Variants in CCZ1 observed in about 807,000 individuals in gnomAD.
CCZ1 encodes CCZ1 vacuolar protein trafficking and biogenesis associated, also known as vacuolar fusion protein CCZ1 homolog.
A neutral mutation model predicts 57.8 loss-of-function variants in CCZ1; 19 were observed. The ratio of observed to expected loss-of-function variants is 0.33; its 90% CI spans 0.23 to 0.48. CCZ1 has a LOEUF of 0.48. Ranked by LOEUF, CCZ1 falls within the 20% of genes least tolerant of loss-of-function variation. The pLI is 0.99. For missense variants in CCZ1, 200 were observed against 492.0 expected, an observed-to-expected ratio of 0.41 and a Z score of 5.61; for synonymous variants, 81 against 167.0, an observed-to-expected ratio of 0.49 and a Z score of 3.97.
chr7:5,912,077 C>T (rs1256437711), intron 9 of CCZ1, among the ~76,000 whole-genome samples, 155 bp downstream of exon 9: 2 of 151,348 alleles, frequency 1.3e-5, no homozygotes, highest in Non-Finnish European at 2.9e-5. Context: ...GCCTCAGCCT[C>T]CCAAGTAGCT....
At chr7:5,910,573 A>G (rs1476517508) in intron 8 of CCZ1, among the ~76,000 whole-genome samples, 12 of 143,346 alleles carry the variant, frequency 8.4e-5, no homozygotes, top group Non-Finnish European at 1.5e-4. Flanking sequence ...TGATCTGCCC[A>G]CCTTGGCCTC....
At chr7:5,906,617 C>G (rs1050377887) in intron 7 of CCZ1, among the ~76,000 whole-genome samples, 4 of 148,994 alleles carry the variant, frequency 2.7e-5, no homozygotes, top group African/African-American at 5.0e-5. Context: ...GCCACTGCAC[C>G]TGGCCTAGCC....
At chr7:5,907,874 A>G (rs1419707179) in intron 7 of CCZ1, among the ~76,000 whole-genome samples, 1 of 122,888 alleles carries the variant, frequency 8.1e-6, no homozygotes, top group Non-Finnish European at 1.6e-5. Context: ...AGGCAGGAGG[A>G]TCACTTGAGA....
intron 9 of CCZ1, 79 bp from the exon 10 acceptor site, chr7:5,912,764 G>A (rs1779066395): frequency 2.4e-5 from 27 of 1,126,264 alleles, no homozygotes; most frequent in Non-Finnish European, 3.6e-5. Flanking sequence ...TGTGTATGAA[G>A]TGGGAGTGTG....
chr7:5,909,106 C>CAT (rs1562541022), intron 7 of CCZ1, among the ~76,000 whole-genome samples: 1 of 140,506 alleles, frequency 7.1e-6, no homozygotes, highest in Non-Finnish European at 1.5e-5. Flanking sequence ...TCCCTTGTGA[C>CAT]TTTTTTTTTT....
chr7:5,905,734 A>G (rs1661580588), intron 7 of CCZ1, among the ~76,000 whole-genome samples: 1 of 109,422 alleles, frequency 9.1e-6, no homozygotes, highest in Non-Finnish European at 1.7e-5. Flanking sequence ...GTGAGCCGAG[A>G]TGGCACCACT....
chr7:5,912,713 A>G (rs1427830896), intron 9 of CCZ1, 130 bp from the exon 10 acceptor site: 7 of 1,063,912 alleles, frequency 6.6e-6, no homozygotes, highest in African/African-American at 3.1e-5. Context: ...ATATTCTGAT[A>G]TGGTGTTTGC....
chr7:5,905,903 T>C (rs552368780), intron 7 of CCZ1, among the ~76,000 whole-genome samples: 900 of 4,518 alleles, frequency 0.2, 33 homozygotes, highest in Non-Finnish European at 0.28. Flanking sequence ...TTTTTATACC[T>C]TTTTTTTTTT....
chr7:5,910,987 C>G (rs1345091570), intron 8 of CCZ1, among the ~76,000 whole-genome samples: 2 of 147,634 alleles, frequency 1.4e-5, no homozygotes, highest in African/African-American at 5.0e-5. Context: ...TGACCCGCCA[C>G]AGCCTTCCAA....
At chr7:5,925,542 C>CTAAT (rs2128616618) in intron 14 of CCZ1, 90 bp from the exon 15 acceptor site, 1 of 1,561,064 alleles carries the variant, frequency 6.4e-7, no homozygotes, top group South Asian at 1.1e-5. Context: ...ATCTCTCTTC[C>CTAAT]TAATTTTACC....
At position 5,910,018 on chromosome 7, in the gene CCZ1, C is replaced by G. The variant is rs1781932862; in HGVS notation, c.699-17C>G. Reference sequence around the variant, plus strand: ...ACAGTTCCAAACGTTTAACCCAGTGCTTTTCTGTTGTTGCAGGAGTGGATT... The same window carrying G: ...ACAGTTCCAAACGTTTAACCCAGTGGTTTTCTGTTGTTGCAGGAGTGGATT... On this transcript the variant is annotated splice_polypyrimidine_tract_variant and intron_variant, in intron 7 of 14. Coordinates refer to ENST00000325974, the MANE Select transcript of CCZ1 (RefSeq NM_015622.6). 1.2e-6 allele frequency: 2 copies of G among 1,601,742 alleles called. No homozygotes were observed. The highest frequency in any genetic ancestry group is 8.5e-7 in the Non-Finnish European group (1 of 1,171,694).
In CCZ1 at chr7:5,902,787, G is replaced by T. The variant is rs148245834; in HGVS notation, c.522+43G>T. 5.4e-3 allele frequency: 8,202 copies of T among 1,520,308 alleles called. 417 individuals are homozygous for T. In the African/African-American group the frequency reaches 0.065, roughly 12 times the overall value. The allele number at this position is 1,520,308 out of a possible 1,614,324, so 94.2% of individuals were successfully genotyped here. ...CATTTATAACTTTAGTAAGCATTCA[G>T]CAGGTTTTTAGAGAAATATAGACAG... is the stretch of plus-strand genomic sequence containing the variant. On this transcript the variant is annotated intron_variant, in intron 6 of 14. Coordinates refer to ENST00000325974, the MANE Select transcript of CCZ1 (RefSeq NM_015622.6).
At chr7:5,899,429 G>A (rs892144515) in intron 1 of CCZ1, among the ~76,000 whole-genome samples, 1 of 143,814 alleles carries the variant, frequency 7.0e-6, no homozygotes, top group African/African-American at 2.6e-5. Flanking sequence ...GATGTCCGGA[G>A]CTGTGTTTTG....
At chr7:5,914,832 C>A (rs10270655) in intron 10 of CCZ1, among the ~76,000 whole-genome samples, 1 of 139,212 alleles carries the variant, frequency 7.2e-6, no homozygotes, top group Non-Finnish European at 1.5e-5. Context: ...GCTGAGCTTA[C>A]GCCACTGTGC....
rs2906503 is a variant in CCZ1 at position 5,904,454 on chromosome 7, C to T, written c.523-640C>T. 8.1e-3 allele frequency among the ~76,000 whole-genome samples: 1,144 copies of T among 141,988 alleles called. 50 individuals are homozygous for T. Among genetic ancestry groups the T allele is most frequent in the Middle Eastern group, 0.018 (5 of 282 alleles). The allele number at this position is 141,988 out of a possible 152,430, so 93.1% of individuals were successfully genotyped here. A position where few individuals can be genotyped will look rare whatever the true frequency, so the allele number is the denominator to read the frequency against. ...TGCCTGTATTCCCAGCGCTTTGGGA[C>T]GCCTAGACACGAGAATCACGGAGGC... On this transcript the variant is annotated intron_variant, in intron 6 of 14. Coordinates refer to ENST00000325974, the MANE Select transcript of CCZ1 (RefSeq NM_015622.6).
chr7:5,905,862 T>G lies in CCZ1; in HGVS notation c.698+593T>G, dbSNP rs1029003406. On this transcript the variant is annotated intron_variant, in intron 7 of 14. Coordinates refer to ENST00000325974, the MANE Select transcript of CCZ1 (RefSeq NM_015622.6). The stretch of plus-strand genomic sequence containing the variant: ...GGAATCCTGTTTTTATTTTGGAGTT[T>G]TTTTTTTTTTCTGAAATGATAAAAG... 3.6e-5 allele frequency among the ~76,000 whole-genome samples: 5 copies of G among 139,952 alleles called. 1 individual carries two copies. The East Asian group carries it at 9.8e-4, about 27-fold the overall frequency. 91.8% of individuals were successfully genotyped at this position (139,952 alleles called of 152,430 possible).
chr7:5,904,243 C>T (rs1313592038), intron 6 of CCZ1, among the ~76,000 whole-genome samples: 4 of 139,766 alleles, frequency 2.9e-5, no homozygotes, highest in Non-Finnish European at 6.1e-5. Context: ...CAGGCTACCA[C>T]GCCCGGCTAA....
chr7:5,916,496 T>G (rs150481709), intron 10 of CCZ1, among the ~76,000 whole-genome samples: 64,630 of 104,134 alleles, frequency 0.62, 15,444 homozygotes, highest in Middle Eastern at 0.66. Flanking sequence ...GGTTTTTGTT[T>G]TGTTTTTTGT....
At chr7:5,910,978 G>T (rs559625047) in intron 8 of CCZ1, among the ~76,000 whole-genome samples, 1 of 146,998 alleles carries the variant, frequency 6.8e-6, no homozygotes, top group South Asian at 2.3e-4. Context: ...TCAGGTGATT[G>T]ACCCGCCACA....
Sources: allele counts gnomAD v4.1 joint callset (sites outside exome capture counted in the v4.1 genomes callset), GRCh38; gene constraint gnomAD v4.1.1; transcripts MANE v1.5; gene names NCBI Gene and HGNC (gene_info 2026-07-23, HGNC 2026-07-21).